The following SBF1 variants were observed in gnomAD, a reference collection of about 807,000 sequenced individuals.
SBF1 encodes myotubularin-related protein 5.
A neutral mutation model predicts 215.8 loss-of-function variants in SBF1; 65 were observed. The observed-to-expected ratio is 0.30, with a 90% CI of 0.25 to 0.37. The LOEUF (loss-of-function observed/expected upper bound fraction) is 0.37. Among genes scored for constraint, SBF1 ranks in the 10% least tolerant of loss-of-function variants. The pLI is 1.00. For synonymous variants in SBF1, 1,410 were observed against 1,122.8 expected, an observed-to-expected ratio of 1.26 and a Z score of -5.11; for missense variants, 2,634 against 2,667.8, an observed-to-expected ratio of 0.99 and a Z score of 0.28.
At position 50,461,819 on chromosome 22, in the gene SBF1, G is replaced by A. The variant is rs1246195775; in HGVS notation, c.2620C>T (p.Arg874Trp). The A allele has an allele frequency of 9.9e-6, 16 of 1,613,606 alleles. No individual in the cohort carries two copies. The highest frequency in any genetic ancestry group is 3.3e-4 in the Middle Eastern group (2 of 6,060). Residue 874 changes from arginine to tryptophan, a missense_variant, in exon 21 of 41, where the codon CGG becomes TGG. By Grantham distance (101) the Arg-to-Trp change is moderately radical (BLOSUM62 -3). Coordinates refer to ENST00000380817, the MANE Select transcript of SBF1 (RefSeq NM_002972.4). ...ACCTTCTGGATGGGCGGCAGCCTCCGGCTCTCCCGCTGCACGGCCTCCAGG... is the reference window on the plus strand; with the variant it reads ...ACCTTCTGGATGGGCGGCAGCCTCCAGCTCTCCCGCTGCACGGCCTCCAGG... ...ETLEAVQRES[R>W]RLPPIQKPKL...
Position 50,446,975 on chromosome 22 carries a change from C to CGGCCG in SBF1, c.*162_*166dup, listed in dbSNP as rs901365325. 22 of 719,282 alleles carry CGGCCG rather than the reference C, an allele frequency of 3.1e-5. No individual in the cohort carries two copies. Among genetic ancestry groups the CGGCCG allele is most frequent in the African/African-American group, 3.0e-4 (17 of 55,838 alleles). 44.6% of individuals were successfully genotyped at this position (719,282 alleles called of 1,614,324 possible). A position where few individuals can be genotyped will look rare whatever the true frequency, so the allele number is the denominator to read the frequency against. On this transcript the variant is annotated 3_prime_UTR_variant, in exon 41 of 41. Coordinates refer to ENST00000380817, the MANE Select transcript of SBF1 (RefSeq NM_002972.4). ...CTGTGACGCCAAAATAAGTTAGGGC[C>CGGCCG]GGCCGGGCGGGGCGGGGCGGGGACG... is the stretch of plus-strand genomic sequence containing the variant.
In SBF1 at chr22:50,459,933, AGCCCTGGCCG is replaced by A. The variant is rs1285738395; in HGVS notation, c.3491+9_3491+18del. ...CAGTCACGTGTCCACCACCCGGGCC[AGCCCTGGCCG>A]GCCCTCACCTGCGGCAGATGGCATA... On this transcript the variant is annotated intron_variant, in intron 26 of 40. Coordinates refer to ENST00000380817, the MANE Select transcript of SBF1 (RefSeq NM_002972.4). 4 of 1,611,766 alleles carry A rather than the reference AGCCCTGGCCG, an allele frequency of 2.5e-6. No individual in the cohort carries two copies. Among genetic ancestry groups the A allele is most frequent in the Non-Finnish European group, 3.4e-6 (4 of 1,178,470 alleles).
At position 50,445,003 on chromosome 22, in the gene SBF1, T is replaced by C. The variant is rs1233677929; in HGVS notation, c.*2139A>G. Reference sequence around the variant, plus strand: ...CCTAGAAGGGTCCAGAAGATTATTTTACGTTGAGTCCATTTTTAATGTTCT... The same window carrying C: ...CCTAGAAGGGTCCAGAAGATTATTTCACGTTGAGTCCATTTTTAATGTTCT... On this transcript the variant is annotated 3_prime_UTR_variant, in exon 41 of 41. Coordinates refer to ENST00000380817, the MANE Select transcript of SBF1 (RefSeq NM_002972.4). 1 of 152,530 alleles carries C rather than the reference T, an allele frequency of 6.6e-6. No individual in the cohort carries two copies. The highest frequency in any genetic ancestry group is 1.5e-5 in the Non-Finnish European group (1 of 68,072). The allele number at this position is 152,530 out of a possible 1,614,324, so 9.4% of individuals were successfully genotyped here.
intron 28 of SBF1, among the ~76,000 whole-genome samples, chr22:50,458,581 G>A (rs1285309450): frequency 6.6e-6 from 1 of 152,228 alleles, no homozygotes; most frequent in East Asian, 1.9e-4. Context: ...ATATAATGTG[G>A]TATCTGGAAA....
In SBF1 at chr22:50,445,049, C is replaced by G. The variant is rs1181650318; in HGVS notation, c.*2093G>C. Reference sequence around the variant, plus strand: ...GTTCTGATCACCTGACAGGGCACCCCAAACCCCCAACTCCCAATAAAAGCC... The same window carrying G: ...GTTCTGATCACCTGACAGGGCACCCGAAACCCCCAACTCCCAATAAAAGCC... On this transcript the variant is annotated 3_prime_UTR_variant, in exon 41 of 41. Transcript: ENST00000380817. The G allele has an allele frequency of 6.5e-6, 1 of 152,700 alleles. No homozygotes were observed. Among genetic ancestry groups the G allele is most frequent in the Non-Finnish European group, 1.5e-5 (1 of 68,142 alleles). 9.5% of individuals were successfully genotyped at this position (152,700 alleles called of 1,614,324 possible).
intron 31 of SBF1, 150 bp downstream of exon 31, chr22:50,456,066 G>T: frequency 1.2e-6 from 1 of 836,806 alleles, no homozygotes; most frequent in Non-Finnish European, 1.8e-6. Flanking sequence ...CTGCCTTCTA[G>T]GCACCAGAGC....
chr22:50,462,693 A>C lies in SBF1; in HGVS notation c.1993T>G (p.Phe665Val). 6.2e-7 allele frequency: 1 copy of C among 1,612,132 alleles called. No individual in the cohort carries two copies. The highest frequency in any genetic ancestry group is 8.5e-7 in the Non-Finnish European group (1 of 1,179,508). The change falls in exon 18 of 41, where the codon TTT (phenylalanine) becomes GTT (valine). Residue 665 changes from phenylalanine to valine, a missense_variant. Physicochemically the swap from Phe to Val is conservative, Grantham distance 50. Transcript: ENST00000380817. Reference protein sequence around the residue: ...CRKLSPGVTQFAYSCVQEHVV... With the variant: ...CRKLSPGVTQVAYSCVQEHVV... Reference sequence around the variant, plus strand: ...TGCTCCTGCACACAGCTGTATGCAAACTGCGTCACCCCCGGGCTCAGCTTC... The same window carrying C: ...TGCTCCTGCACACAGCTGTATGCAACCTGCGTCACCCCCGGGCTCAGCTTC...
rs527352462 is a variant in SBF1 at position 50,460,640 on chromosome 22, G to A, written c.3040C>T (p.Leu1014=). ...GCCCTGATGTCCGGCGGGTACCGCA[G>A]CTTATGCAGCTGCTTACGGAAGAGC... ...AELFRKQLHK[L]RYPPDIRATF... Residue 1014 remains leucine (L), a synonymous_variant, in exon 24 of 41, where the codon CTG becomes TTG. Coordinates refer to ENST00000380817, the MANE Select transcript of SBF1 (RefSeq NM_002972.4). 3.7e-6 allele frequency: 6 copies of A among 1,613,950 alleles called. No homozygotes were observed. The South Asian group carries it at 5.5e-5, about 15-fold the overall frequency.
chr22:50,460,777 A>G (rs2067474342), intron 23 of SBF1, 65 bp from the exon 24 acceptor site: 3 of 1,521,362 alleles, frequency 2.0e-6, no homozygotes, highest in East Asian at 4.5e-5. Context: ...CAACTCTGAC[A>G]CTGCCAGGCT....
Position 50,448,268 on chromosome 22 carries a change from C to T in SBF1, c.5328G>A (p.Leu1776=). 6.2e-7 allele frequency: 1 copy of T among 1,613,070 alleles called. No individual in the cohort carries two copies. Among genetic ancestry groups the T allele is most frequent in the Non-Finnish European group, 8.5e-7 (1 of 1,179,968 alleles). Residue 1776 remains leucine (L), a synonymous_variant, in exon 38 of 41, where the codon CTG becomes CTA. Transcript: ENST00000380817. The part of the protein sequence containing the change: ...RQAARRSTST[L]YSQFQTAESE... ...TCTCTGCTGTCTGGAACTGGCTGTA[C>T]AGGGTGCTGGTGCTGCGGCGGGCAG... is the stretch of plus-strand genomic sequence containing the variant.
chr22:50,459,777 C>T, intron 26 of SBF1, 111 bp from the exon 27 acceptor site: 1 of 1,358,208 alleles, frequency 7.4e-7, no homozygotes, highest in East Asian at 2.5e-5. Context: ...GAGGCGCTTC[C>T]AGCTCAGCCA....
At chr22:50,470,351 G>C (rs1603435079) in intron 1 of SBF1, among the ~76,000 whole-genome samples, 1 of 152,290 alleles carries the variant, frequency 6.6e-6, no homozygotes, top group South Asian at 2.1e-4. Flanking sequence ...CAGAGTGGCA[G>C]GTCACCATCT....
intron 29 of SBF1, 138 bp downstream of exon 29, chr22:50,456,896 T>C: frequency 1.3e-6 from 1 of 783,284 alleles, no homozygotes. Context: ...GTCAGGGAGG[T>C]AAGGACTGGG....
chr22:50,466,491 A>G lies in SBF1; in HGVS notation c.656-9T>C. 6.5e-7 allele frequency: 1 copy of G among 1,540,522 alleles called. No homozygotes were observed. The highest frequency in any genetic ancestry group is 8.8e-7 in the Non-Finnish European group (1 of 1,139,272). ...CAGCACGTTGGTGATGCCTAAAGGA[A>G]GAAGAGAAGCTTGGAGAGGACCCTG... On this transcript the variant is annotated splice_polypyrimidine_tract_variant and intron_variant, in intron 6 of 40. Coordinates refer to ENST00000380817, the MANE Select transcript of SBF1 (RefSeq NM_002972.4).
intron 38 of SBF1, 68 bp from the exon 39 acceptor site, chr22:50,447,677 C>T (rs1292971011): frequency 1.3e-5 from 16 of 1,188,078 alleles, no homozygotes; most frequent in African/African-American, 4.5e-5. Flanking sequence ...CCCCAGCAGT[C>T]GTCCCCCCCT....
intron 1 of SBF1, among the ~76,000 whole-genome samples, chr22:50,469,106 C>T (rs922669127): frequency 6.6e-6 from 1 of 152,158 alleles, no homozygotes; most frequent in African/African-American, 2.4e-5. Context: ...AGAGGGGCAG[C>T]AGCTAGACGG....
chr22:50,456,146 G>C (rs755969574), intron 31 of SBF1, 70 bp downstream of exon 31: 1 of 1,502,406 alleles, frequency 6.7e-7, no homozygotes, highest in Non-Finnish European at 9.1e-7. Flanking sequence ...ACCTAGACCC[G>C]TCCACTTGGC....
At chr22:50,458,705 T>C (rs1053744977) in intron 28 of SBF1, among the ~76,000 whole-genome samples, 1 of 152,154 alleles carries the variant, frequency 6.6e-6, no homozygotes, top group Non-Finnish European at 1.5e-5. Context: ...AGGGCGCCTG[T>C]GAAGTGTGCG....
chr22:50,460,825 G>A (rs2067476686), intron 23 of SBF1, 113 bp from the exon 24 acceptor site: 1 of 1,214,980 alleles, frequency 8.2e-7, no homozygotes, highest in Non-Finnish European at 1.2e-6. Flanking sequence ...AGAGAAGCAG[G>A]CCCCAGGCAA....
Sources: allele counts gnomAD v4.1 joint callset (sites outside exome capture counted in the v4.1 genomes callset), GRCh38; gene constraint gnomAD v4.1.1; transcripts MANE v1.5; gene names NCBI Gene and HGNC (gene_info 2026-07-23, HGNC 2026-07-21).